The following DACH1 variants were observed in gnomAD, a reference collection of about 807,000 sequenced individuals.
The protein encoded by DACH1 is dachshund homolog 1.
In DACH1, 12 loss-of-function variants were observed where a neutral mutation model predicts 54.2. That is an observed-to-expected ratio of 0.22 (90% confidence interval 0.14 to 0.36). DACH1 has a LOEUF of 0.36. Ranked by LOEUF, DACH1 falls within the 10% of genes least tolerant of loss-of-function variation. The pLI, the probability that DACH1 is intolerant of heterozygous loss-of-function variation, is 1.00. For synonymous variants in DACH1, 386 were observed against 366.2 expected (o/e 1.05, Z -0.62); for missense variants, 805 against 929.8 (o/e 0.87, Z 1.75).
At chr13:71,590,608 G>A (rs1363077320) in intron 3 of DACH1, among the ~76,000 whole-genome samples, 1 of 152,128 alleles carries the variant, frequency 6.6e-6, no homozygotes, top group Non-Finnish European at 1.5e-5. Flanking sequence ...ACACAGAGAT[G>A]TCCCTTACAA....
At chr13:71,733,151 AT>A (rs1468976672) in intron 1 of DACH1, among the ~76,000 whole-genome samples, 2 of 152,038 alleles carry the variant, frequency 1.3e-5, no homozygotes, top group African/African-American at 4.8e-5. Context: ...TATTACTACT[AT>A]TTGGGGGTTT....
intron 1 of DACH1, among the ~76,000 whole-genome samples, chr13:71,791,530 A>G (rs1034153784): frequency 2.0e-5 from 3 of 151,962 alleles, no homozygotes; most frequent in African/African-American, 7.3e-5. Flanking sequence ...ACAGGCACAT[A>G]CCACCATGCC....
At position 71,866,526 on chromosome 13, in the gene DACH1, T is replaced by TGCCGCCGCCGCCGCCTCCGCTGCCGCC. The variant is rs1566180833; in HGVS notation, c.243_244insGGCGGCAGCGGAGGCGGCGGCGGCGGC (p.Gly81_Ser82insGlyGlySerGlyGlyGlyGlyGlyGly). The TGCCGCCGCCGCCGCCTCCGCTGCCGCC allele has an allele frequency of 1.6e-6, 2 of 1,214,084 alleles. No individual in the cohort carries two copies. The highest frequency in any genetic ancestry group is 4.1e-5 in the South Asian group (1 of 24,580). The allele number at this position is 1,214,084 out of a possible 1,614,324, so 75.2% of individuals were successfully genotyped here. A position where few individuals can be genotyped will look rare whatever the true frequency, so the allele number is the denominator to read the frequency against. On this transcript the variant is annotated inframe_insertion, in exon 1 of 11. Coordinates refer to ENST00000613252, the MANE Select transcript of DACH1 (RefSeq NM_080759.6). Reference sequence around the variant, plus strand: ...CCGCTGCTGCCGCCGCCGCCTCCGCTGCCGCCGCCGCCGCCGCCGCCGCCG... The same window carrying TGCCGCCGCCGCCGCCTCCGCTGCCGCC: ...CCGCTGCTGCCGCCGCCGCCTCCGCTGCCGCCGCCGCCGCCTCCGCTGCCGCCGCCGCCGCCGCCGCCGCCGCCGCCG...
intron 7 of DACH1, among the ~76,000 whole-genome samples, chr13:71,486,667 T>C (rs932630959): frequency 5.3e-5 from 8 of 152,164 alleles, no homozygotes; most frequent in Admixed American, 4.6e-4. Flanking sequence ...TTTCACCTTG[T>C]GGGCACATAT....
intron 6 of DACH1, among the ~76,000 whole-genome samples, chr13:71,554,426 C>T (rs1884106900): frequency 6.6e-6 from 1 of 152,054 alleles, no homozygotes; most frequent in Admixed American, 6.5e-5. Context: ...GGGCTATGGT[C>T]AAGGACTTTG....
At chr13:71,568,400 GGTGT>G (rs1226657446) in intron 4 of DACH1, among the ~76,000 whole-genome samples, 3 of 151,884 alleles carry the variant, frequency 2.0e-5, no homozygotes, top group Non-Finnish European at 4.4e-5. Context: ...TCTAGAGTAT[GGTGT>G]GATAGAGGGT....
At chr13:71,714,441 A>C (rs1882878399) in intron 1 of DACH1, among the ~76,000 whole-genome samples, 1 of 152,086 alleles carries the variant, frequency 6.6e-6, no homozygotes, top group South Asian at 2.1e-4. Context: ...CTTTTCGAAA[A>C]GTATCATGTT....
At chr13:71,847,203 T>G (rs1443595069) in intron 1 of DACH1, among the ~76,000 whole-genome samples, 1 of 152,166 alleles carries the variant, frequency 6.6e-6, no homozygotes, top group Non-Finnish European at 1.5e-5. Flanking sequence ...TAAGAACTAG[T>G]GTTACATATA....
At chr13:71,776,627 G>C (rs1886076526) in intron 1 of DACH1, among the ~76,000 whole-genome samples, 1 of 151,984 alleles carries the variant, frequency 6.6e-6, no homozygotes, top group Non-Finnish European at 1.5e-5. Context: ...TCATTGAAAA[G>C]GTATCATTCA....
chr13:71,689,506 A>G (rs1367348714), intron 1 of DACH1, among the ~76,000 whole-genome samples: 1 of 152,208 alleles, frequency 6.6e-6, no homozygotes, highest in Non-Finnish European at 1.5e-5. Flanking sequence ...AACTAAAAGC[A>G]TCGTTAACAA....
chr13:71,579,279 T>C (rs929853127), intron 3 of DACH1, among the ~76,000 whole-genome samples: 1 of 152,164 alleles, frequency 6.6e-6, no homozygotes, highest in East Asian at 1.9e-4. Context: ...CTACTTAAGA[T>C]ATTGGTATTG....
chr13:71,470,389 A>AC (rs1876968891), intron 10 of DACH1, among the ~76,000 whole-genome samples: 1 of 151,192 alleles, frequency 6.6e-6, no homozygotes, highest in Non-Finnish European at 1.5e-5. Flanking sequence ...GCTCACTGCA[A>AC]CCTCTGCCTC....
At chr13:71,524,122 C>T (rs1331107552) in intron 6 of DACH1, among the ~76,000 whole-genome samples, 6 of 152,032 alleles carry the variant, frequency 3.9e-5, no homozygotes, top group Non-Finnish European at 7.4e-5. Flanking sequence ...CATTTCCTGG[C>T]GATTCTCTTC....
At chr13:71,474,413 T>A (rs1440960156) in intron 10 of DACH1, among the ~76,000 whole-genome samples, 2 of 152,174 alleles carry the variant, frequency 1.3e-5, no homozygotes, top group African/African-American at 2.4e-5. Flanking sequence ...TCATTTTAAA[T>A]AGAAAACAAA....
intron 6 of DACH1, among the ~76,000 whole-genome samples, chr13:71,495,819 T>C (rs575523282): frequency 5.8e-4 from 88 of 152,206 alleles, no homozygotes; most frequent in Non-Finnish European, 1.1e-3. Flanking sequence ...TACCAGCCCA[T>C]AAGGAAAGAA....
chr13:71,787,271 A>G (rs149032685), intron 1 of DACH1, among the ~76,000 whole-genome samples: 1 of 152,330 alleles, frequency 6.6e-6, no homozygotes, highest in African/African-American at 2.4e-5. Context: ...CATTTTTTAA[A>G]ACATAAAATC....
chr13:71,438,787 A>C lies in DACH1; in HGVS notation c.*1868T>G, dbSNP rs957894407. 1 of 152,498 alleles carries C rather than the reference A, an allele frequency of 6.6e-6. No homozygotes were observed. The highest frequency in any genetic ancestry group is 1.5e-5 in the Non-Finnish European group (1 of 67,908). 9.4% of individuals were successfully genotyped at this position (152,498 alleles called of 1,614,324 possible). A position where few individuals can be genotyped will look rare whatever the true frequency, so the allele number is the denominator to read the frequency against. ...GAAACAAACACATAGAACTAGGAAA[A>C]GAATCCCTTGTGCTCAAACAACAAA... On this transcript the variant is annotated 3_prime_UTR_variant, in exon 11 of 11. Coordinates refer to ENST00000613252, the MANE Select transcript of DACH1 (RefSeq NM_080759.6).
intron 3 of DACH1, among the ~76,000 whole-genome samples, chr13:71,615,902 G>T (rs1875723787): frequency 6.6e-6 from 1 of 152,090 alleles, no homozygotes; most frequent in Non-Finnish European, 1.5e-5. Context: ...AATAGTGATT[G>T]CAGTGTATCA....
At position 71,866,808 on chromosome 13, in the gene DACH1, A is replaced by T; in HGVS notation, c.-39T>A. On this transcript the variant is annotated 5_prime_UTR_variant, in exon 1 of 11. Coordinates refer to ENST00000613252, the MANE Select transcript of DACH1 (RefSeq NM_080759.6). Reference sequence around the variant, plus strand: ...GGGAAACAGACGGAGGAGAAGCGAGAGGAAAAGTTGCCACACACCCCCGGG... The same window carrying T: ...GGGAAACAGACGGAGGAGAAGCGAGTGGAAAAGTTGCCACACACCCCCGGG... 2 of 1,280,858 alleles carry T rather than the reference A, an allele frequency of 1.6e-6. No individual in the cohort carries two copies. The highest frequency in any genetic ancestry group is 2.0e-6 in the Non-Finnish European group (2 of 1,004,812). The allele number at this position is 1,280,858 out of a possible 1,614,324, so 79.3% of individuals were successfully genotyped here. A position where few individuals can be genotyped will look rare whatever the true frequency, so the allele number is the denominator to read the frequency against.
Sources: gnomAD v4.1 joint callset for allele counts (sites outside exome capture counted in the v4.1 genomes callset) on GRCh38, gnomAD v4.1.1 for gene constraint, MANE v1.5 for transcripts, NCBI Gene and HGNC (gene_info 2026-07-23, HGNC 2026-07-21) for gene names.